The following WWOX variants were observed in gnomAD, a reference collection of about 807,000 sequenced individuals.
WWOX encodes the protein WW domain-containing oxidoreductase.
WWOX carries 69 observed loss-of-function variants against 46.2 expected under a neutral mutation model. The ratio of observed to expected loss-of-function variants is 1.49; its 90% confidence interval spans 1.23 to 1.82. WWOX has a LOEUF of 1.82. WWOX is among the 40% of genes most tolerant of loss of function. WWOX has a pLI of 0.00. For synonymous variants in WWOX, 359 were observed against 202.6 expected (o/e 1.77, Z -6.56); for missense variants, 919 against 542.6 (o/e 1.69, Z -6.89).
intron 8 of WWOX, among the ~76,000 whole-genome samples, chr16:78,782,419 T>TA (rs2050352574): frequency 6.6e-6 from 1 of 152,198 alleles, no homozygotes; most frequent in Admixed American, 6.5e-5. Flanking sequence ...AGAGCTCTCT[T>TA]ATGCTGGGGC....
rs559116621 is a variant in WWOX, at chr16:78,699,966, C to T, written c.1056+267214C>T. Among the ~76,000 whole-genome samples the T allele has an allele frequency of 3.3e-4, 50 of 152,142 alleles. 1 individual carries two copies. The highest frequency in any genetic ancestry group is 3.4e-3 in the Middle Eastern group (1 of 294). Reference sequence around the variant, plus strand: ...TAGTACTCACAAGGTAACTGGGGCACTCTTGGTCTTGGGGAGGGGAGGTGG... The same window carrying T: ...TAGTACTCACAAGGTAACTGGGGCATTCTTGGTCTTGGGGAGGGGAGGTGG... On this transcript the variant is annotated intron_variant, in intron 8 of 8. Transcript: ENST00000566780.
chr16:79,052,051 A>AATT (rs2048177601), intron 8 of WWOX, among the ~76,000 whole-genome samples: 1 of 105,310 alleles, frequency 9.5e-6, no homozygotes, highest in Non-Finnish European at 2.0e-5. Context: ...TTTTTTTTTT[A>AATT]ATTATACTTT....
chr16:78,861,582 C>T (rs2043886691), intron 8 of WWOX, among the ~76,000 whole-genome samples: 1 of 152,118 alleles, frequency 6.6e-6, no homozygotes, highest in South Asian at 2.1e-4. Flanking sequence ...AGTAAGGTCT[C>T]TTTAAAAAAT....
At chr16:78,794,761 G>A (rs1394718754) in intron 8 of WWOX, among the ~76,000 whole-genome samples, 1 of 152,230 alleles carries the variant, frequency 6.6e-6, no homozygotes, top group African/African-American at 2.4e-5. Flanking sequence ...AGAAGATGGA[G>A]ACCCATGTGT....
At chr16:78,960,313 G>A (rs981365308) in intron 8 of WWOX, among the ~76,000 whole-genome samples, 3 of 152,152 alleles carry the variant, frequency 2.0e-5, no homozygotes, top group Non-Finnish European at 2.9e-5. Flanking sequence ...ATTTTCTAGC[G>A]TAACGTTTGG....
At chr16:78,880,447 A>T (rs564448609) in intron 8 of WWOX, among the ~76,000 whole-genome samples, 14 of 152,358 alleles carry the variant, frequency 9.2e-5, no homozygotes, top group Non-Finnish European at 1.8e-4. Flanking sequence ...ATACGAAAGT[A>T]TATAGCTGCT....
At chr16:78,650,683 C>T (rs2046947079) in intron 8 of WWOX, among the ~76,000 whole-genome samples, 1 of 152,172 alleles carries the variant, frequency 6.6e-6, no homozygotes, top group Non-Finnish European at 1.5e-5. Flanking sequence ...ACTTTTAAAT[C>T]AGAGGCCAAC....
intron 8 of WWOX, among the ~76,000 whole-genome samples, chr16:78,662,350 T>C (rs911951055): frequency 2.6e-5 from 4 of 152,124 alleles, no homozygotes; most frequent in Admixed American, 2.0e-4. Flanking sequence ...GACTGGAAAA[T>C]AAGAGAGCGC....
chr16:78,997,077 C>T (rs117017936), intron 8 of WWOX, among the ~76,000 whole-genome samples: 1,666 of 152,194 alleles, frequency 0.011, 25 homozygotes, highest in Non-Finnish European at 0.013. Flanking sequence ...CCAAAGGCAT[C>T]ATACCATCTG....
At chr16:79,113,403 G>A (rs1160594771) in intron 8 of WWOX, among the ~76,000 whole-genome samples, 3 of 152,228 alleles carry the variant, frequency 2.0e-5, no homozygotes, top group South Asian at 2.1e-4. Flanking sequence ...CTCATCTGTC[G>A]TTGGTTGAGG....
At chr16:79,133,963 A>AG (rs1357055794) in intron 8 of WWOX, among the ~76,000 whole-genome samples, 3 of 152,204 alleles carry the variant, frequency 2.0e-5, no homozygotes, top group Non-Finnish European at 4.4e-5. Context: ...CTCAAGAAGA[A>AG]AAATTTAAGG....
At position 78,299,365 on chromosome 16, in the gene WWOX, C is replaced by T. The variant is rs545722542; in HGVS notation, c.517-87495C>T. 1.5e-4 allele frequency among the ~76,000 whole-genome samples: 23 copies of T among 152,168 alleles called. No individual in the cohort carries two copies. In the South Asian group the frequency reaches 4.2e-3, roughly 27 times the overall value. The stretch of plus-strand genomic sequence containing the variant: ...TTCTTCATCACTTCAGTAGAGTGAA[C>T]CCTGATTACCTACATTTATTAATGA... On this transcript the variant is annotated intron_variant, in intron 5 of 8. Coordinates refer to ENST00000566780, the MANE Select transcript of WWOX (RefSeq NM_016373.4).
chr16:79,177,308 C>T (rs150986288), intron 8 of WWOX, among the ~76,000 whole-genome samples: 104 of 152,236 alleles, frequency 6.8e-4, no homozygotes, highest in East Asian at 2.3e-3. Context: ...CCTCATTGCT[C>T]GCTTCGTTTC....
At chr16:78,384,952 G>T (rs890449017) in intron 5 of WWOX, among the ~76,000 whole-genome samples, 3 of 152,086 alleles carry the variant, frequency 2.0e-5, no homozygotes, top group Non-Finnish European at 4.4e-5. Flanking sequence ...TGGCCAACAT[G>T]GTGAAACCCC....
At chr16:78,358,866 C>T (rs867078407) in intron 5 of WWOX, among the ~76,000 whole-genome samples, 207 of 120,872 alleles carry the variant, frequency 1.7e-3, no homozygotes, top group Non-Finnish European at 2.1e-3. Flanking sequence ...ACACTGTGGT[C>T]TTTTTTTTTT....
chr16:78,115,422 G>C (rs777296577), intron 4 of WWOX, among the ~76,000 whole-genome samples: 26 of 152,288 alleles, frequency 1.7e-4, no homozygotes, highest in Non-Finnish European at 3.5e-4. Context: ...GAGACAACAG[G>C]CTCCGTCTAA....
chr16:78,811,043 A>G (rs372491388), intron 8 of WWOX, among the ~76,000 whole-genome samples: 1 of 152,194 alleles, frequency 6.6e-6, no homozygotes, highest in Non-Finnish European at 1.5e-5. Flanking sequence ...AGAGGTTTAT[A>G]AAGGGAAGGG....
intron 8 of WWOX, among the ~76,000 whole-genome samples, chr16:78,550,331 A>G (rs1219628168): frequency 1.3e-5 from 2 of 152,228 alleles, no homozygotes; most frequent in East Asian, 1.9e-4. Flanking sequence ...TTTGTGGCCT[A>G]CAAGGTACCT....
chr16:79,082,580 T>A (rs1019341795), intron 8 of WWOX, among the ~76,000 whole-genome samples: 4 of 152,166 alleles, frequency 2.6e-5, no homozygotes, highest in African/African-American at 7.2e-5. Context: ...TATCACTGTT[T>A]CATGAAACAC....
Sources: gnomAD v4.1 joint callset for allele counts (sites outside exome capture counted in the v4.1 genomes callset) on GRCh38, gnomAD v4.1.1 for gene constraint, MANE v1.5 for transcripts, NCBI Gene and HGNC (gene_info 2026-07-23, HGNC 2026-07-21) for gene names.